The following PACRG variants were observed in gnomAD, a reference collection of about 807,000 sequenced individuals.
PACRG encodes the protein parkin coregulated, also known as parkin coregulated gene protein.
A neutral mutation model predicts 29.7 loss-of-function variants in PACRG; 29 were observed. The ratio of observed to expected loss-of-function variants is 0.98; its 90% CI spans 0.73 to 1.33. The LOEUF is 1.33. Ranked by LOEUF, PACRG falls within the 40% of genes most tolerant of loss-of-function variation. PACRG has a pLI of 0.00. For missense variants in PACRG, 279 were observed against 316.2 expected, an observed-to-expected ratio of 0.88 and a Z score of 0.89; for synonymous variants, 116 against 118.7, an observed-to-expected ratio of 0.98 and a Z score of 0.15.
chr6:163,125,664 A>G (rs1258209933), intron 4 of PACRG, among the ~76,000 whole-genome samples: 1 of 152,268 alleles, frequency 6.6e-6, no homozygotes, highest in Non-Finnish European at 1.5e-5. Flanking sequence ...TATGAAATAT[A>G]ACCTCCAGTT....
intron 2 of PACRG, among the ~76,000 whole-genome samples, chr6:162,955,755 G>A (rs556377184): frequency 6.6e-6 from 1 of 152,344 alleles, no homozygotes; most frequent in South Asian, 2.1e-4. Context: ...AGCAGCAGCT[G>A]GGGTGTTACA....
At chr6:163,044,328 C>T (rs946179612) in intron 2 of PACRG, among the ~76,000 whole-genome samples, 3 of 152,050 alleles carry the variant, frequency 2.0e-5, no homozygotes, top group African/African-American at 7.2e-5. Context: ...TCACCAGGCC[C>T]GTCTGATTTT....
intron 4 of PACRG, among the ~76,000 whole-genome samples, chr6:163,288,962 T>A (rs1784488064): frequency 6.6e-6 from 1 of 152,080 alleles, no homozygotes; most frequent in African/African-American, 2.4e-5. Flanking sequence ...CACAGTGAGA[T>A]CAGAAGGTCG....
chr6:162,740,092 G>A (rs1780462110), intron 1 of PACRG, among the ~76,000 whole-genome samples: 1 of 151,732 alleles, frequency 6.6e-6, no homozygotes, highest in Non-Finnish European at 1.5e-5. Context: ...TAGTCTCTTT[G>A]TCTGTCTCTG....
intron 4 of PACRG, among the ~76,000 whole-genome samples, chr6:163,212,615 A>T (rs1033954824): frequency 2.0e-5 from 3 of 152,184 alleles, no homozygotes; most frequent in African/African-American, 7.2e-5. Context: ...ATGGGCTATA[A>T]CCCATAGACT....
intron 2 of PACRG, among the ~76,000 whole-genome samples, chr6:162,927,796 T>TA (rs550790717): frequency 2.6e-4 from 39 of 150,362 alleles, no homozygotes; most frequent in Middle Eastern, 3.4e-3. Context: ...AACTTAAAAT[T>TA]AAAAAAAGCA....
intron 2 of PACRG, among the ~76,000 whole-genome samples, chr6:163,057,295 C>T (rs1324022968): frequency 6.6e-6 from 1 of 152,092 alleles, no homozygotes; most frequent in Admixed American, 6.5e-5. Flanking sequence ...TCTAGTTTCC[C>T]CGTTTCTGCC....
At chr6:162,862,950 C>T (rs1791986849) in intron 2 of PACRG, among the ~76,000 whole-genome samples, 1 of 152,220 alleles carries the variant, frequency 6.6e-6, no homozygotes, top group African/African-American at 2.4e-5. Context: ...AATCTTGCTA[C>T]TCTCAGCAGG....
At chr6:162,995,408 G>A (rs1319515320) in intron 2 of PACRG, among the ~76,000 whole-genome samples, 1 of 152,100 alleles carries the variant, frequency 6.6e-6, no homozygotes, top group Non-Finnish European at 1.5e-5. Flanking sequence ...ATGGGCGTAG[G>A]ACCCTCAGAG....
intron 2 of PACRG, among the ~76,000 whole-genome samples, chr6:163,013,801 G>T (rs2128213628): frequency 6.6e-6 from 1 of 151,566 alleles, no homozygotes; most frequent in African/African-American, 2.4e-5. Context: ...TTCATTAAGG[G>T]TAAAAGTAAT....
At chr6:162,941,667 T>A (rs1487523540) in intron 2 of PACRG, among the ~76,000 whole-genome samples, 1 of 152,236 alleles carries the variant, frequency 6.6e-6, no homozygotes, top group African/African-American at 2.4e-5. Flanking sequence ...TTTCTTTTTT[T>A]ATGTTAATTA....
intron 1 of PACRG, among the ~76,000 whole-genome samples, chr6:162,765,068 A>G (rs536485947): frequency 2.6e-5 from 4 of 151,992 alleles, no homozygotes; most frequent in Admixed American, 6.6e-5. Context: ...TTACATTTAT[A>G]TTCATATATA....
intron 1 of PACRG, among the ~76,000 whole-genome samples, chr6:162,809,017 T>C (rs1005423378): frequency 2.6e-5 from 4 of 152,210 alleles, no homozygotes; most frequent in Non-Finnish European, 5.9e-5. Flanking sequence ...ATATTTCGCT[T>C]GATTTTTTTT....
rs148914786 is a variant in PACRG, at chr6:162,960,547, T to A, written c.292-101603T>A. Among the ~76,000 whole-genome samples the A allele has an allele frequency of 3.8e-4, 58 of 152,308 alleles. No homozygotes were observed. In the East Asian group the frequency reaches 0.011, roughly 29 times the overall value. ...CACATTCTCTTTTATAAGTGAGAGC[T>A]AAACATTGAGCACATATGGACGTAA... is the stretch of plus-strand genomic sequence containing the variant. On this transcript the variant is annotated intron_variant, in intron 2 of 4. Coordinates refer to ENST00000366888, the MANE Select transcript of PACRG (RefSeq NM_001080379.2).
chr6:162,967,249 T>TG (rs1801116348), intron 2 of PACRG, among the ~76,000 whole-genome samples: 2 of 79,244 alleles, frequency 2.5e-5, no homozygotes, highest in African/African-American at 5.4e-5. Context: ...TTACTAAAAC[T>TG]GAAAAAAAAA....
At chr6:162,833,636 T>G (rs1378549116) in intron 2 of PACRG, among the ~76,000 whole-genome samples, 1 of 152,180 alleles carries the variant, frequency 6.6e-6, no homozygotes, top group Non-Finnish European at 1.5e-5. Flanking sequence ...TTTTCATATG[T>G]TTGTTGGCTG....
At chr6:163,132,143 G>A (rs1413081541) in intron 4 of PACRG, among the ~76,000 whole-genome samples, 1 of 152,138 alleles carries the variant, frequency 6.6e-6, no homozygotes, top group East Asian at 1.9e-4. Context: ...CTGTGGATCT[G>A]AAAATAAGAT....
chr6:162,969,375 CA>C, intron 2 of PACRG, among the ~76,000 whole-genome samples: 1 of 152,016 alleles, frequency 6.6e-6, no homozygotes. Flanking sequence ...CTCTCCTGTC[CA>C]CTGCTACCCC....
At chr6:162,752,529 T>C (rs1781586941) in intron 1 of PACRG, among the ~76,000 whole-genome samples, 1 of 152,156 alleles carries the variant, frequency 6.6e-6, no homozygotes, top group African/African-American at 2.4e-5. Flanking sequence ...GACTTTATAG[T>C]TTAATTAAAA....
Sources: gnomAD v4.1 joint callset for allele counts (sites outside exome capture counted in the v4.1 genomes callset) on GRCh38, gnomAD v4.1.1 for gene constraint, MANE v1.5 for transcripts, NCBI Gene and HGNC (gene_info 2026-07-23, HGNC 2026-07-21) for gene names.